MGAT4C: variants seen among roughly 807,000 people sequenced by gnomAD.
MGAT4C encodes alpha-1,3-mannosyl-glycoprotein 4-beta-N-acetylglucosaminyltransferase C.
Under a neutral mutation model 40.1 loss-of-function variants are expected in MGAT4C, and 19 were observed. The ratio of observed to expected loss-of-function variants is 0.47; its 90% confidence interval spans 0.33 to 0.70. The LOEUF is 0.70. Among genes scored for constraint, MGAT4C ranks in the 30% least tolerant of loss-of-function variants. The probability of loss-of-function intolerance (pLI) is 0.02; values close to 1 mark genes in which losing one functional copy is unlikely to be tolerated. For synonymous variants in MGAT4C, 181 were observed against 187.1 expected (o/e 0.97, Z 0.27); for missense variants, 491 against 563.2 (o/e 0.87, Z 1.30).
At chr12:86,191,310 T>C (rs1889430310) in intron 1 of MGAT4C, among the ~76,000 whole-genome samples, 1 of 151,922 alleles carries the variant, frequency 6.6e-6, no homozygotes, top group Non-Finnish European at 1.5e-5. Flanking sequence ...TTTCTAGTAG[T>C]AAAGAGAGCA....
At chr12:86,765,328 AAG>A (rs1951485646) in intron 1 of MGAT4C, among the ~76,000 whole-genome samples, 1 of 152,172 alleles carries the variant, frequency 6.6e-6, no homozygotes, top group Admixed American at 6.5e-5. Context: ...AAAGAATAAA[AAG>A]AAATGAACAA....
At chr12:86,218,053 T>G (rs186613119) in intron 1 of MGAT4C, among the ~76,000 whole-genome samples, 1 of 152,108 alleles carries the variant, frequency 6.6e-6, no homozygotes, top group African/African-American at 2.4e-5. Context: ...ACGAGAACTT[T>G]TTTTTTGGAG....
chr12:86,128,945 GC>G (rs1188315475), intron 1 of MGAT4C, among the ~76,000 whole-genome samples: 2 of 151,898 alleles, frequency 1.3e-5, no homozygotes, highest in Admixed American at 6.6e-5. Context: ...CCCCACTTTG[GC>G]TTTTTGTTTG....
rs554391310 is a variant in MGAT4C, at chr12:86,119,687, C to T, written c.-56-69964G>A. Among the ~76,000 whole-genome samples the T allele has an allele frequency of 6.0e-5, 9 of 149,574 alleles. No individual in the cohort carries two copies. In the South Asian group the frequency reaches 8.5e-4, roughly 14 times the overall value. On this transcript the variant is annotated intron_variant, in intron 1 of 4. Coordinates refer to ENST00000611864, the MANE Select transcript of MGAT4C (RefSeq NM_001351288.2). Reference sequence around the variant, plus strand: ...GCCTCCCAAAGTGCTGGAATTACAGCGGTGAGCCACTATGCCCGGCCCCCT... The same window carrying T: ...GCCTCCCAAAGTGCTGGAATTACAGTGGTGAGCCACTATGCCCGGCCCCCT...
chr12:86,095,255 G>T (rs1873702697), intron 1 of MGAT4C, among the ~76,000 whole-genome samples: 1 of 152,052 alleles, frequency 6.6e-6, no homozygotes, highest in Non-Finnish European at 1.5e-5. Flanking sequence ...TATCTTGAAA[G>T]AATGAGGAAA....
intron 1 of MGAT4C, among the ~76,000 whole-genome samples, chr12:86,823,480 C>T (rs374262898): frequency 4.1e-4 from 62 of 151,112 alleles, no homozygotes; most frequent in African/African-American, 1.2e-3. Flanking sequence ...CAGATAATTA[C>T]GTCTACAGGG....
At chr12:86,497,970 T>C (rs1403196171) in intron 2 of MGAT4C, among the ~76,000 whole-genome samples, 1 of 145,356 alleles carries the variant, frequency 6.9e-6, no homozygotes, top group Non-Finnish European at 1.5e-5. Flanking sequence ...ATTATAAATA[T>C]ATATTATATA....
intron 1 of MGAT4C, among the ~76,000 whole-genome samples, chr12:86,744,124 G>C (rs941964177): frequency 2.0e-5 from 3 of 151,524 alleles, no homozygotes; most frequent in African/African-American, 7.3e-5. Flanking sequence ...TGCTGTAGCT[G>C]CAACTACAAG....
intron 4 of MGAT4C, among the ~76,000 whole-genome samples, chr12:86,278,108 C>T (rs946392619): frequency 2.1e-5 from 3 of 145,806 alleles, no homozygotes; most frequent in African/African-American, 5.0e-5. Flanking sequence ...ATTTTTTTCA[C>T]TTCTTTGGTT....
intron 2 of MGAT4C, among the ~76,000 whole-genome samples, chr12:86,584,465 C>G (rs1007549629): frequency 6.6e-6 from 1 of 151,030 alleles, no homozygotes; most frequent in Non-Finnish European, 1.5e-5. Context: ...GTAATTTGCT[C>G]TTTTAACTTA....
intron 1 of MGAT4C, among the ~76,000 whole-genome samples, chr12:86,160,074 C>A (rs1885423235): frequency 6.6e-6 from 1 of 151,932 alleles, no homozygotes; most frequent in Non-Finnish European, 1.5e-5. Flanking sequence ...TTATTTTCTT[C>A]TGCTAGCTTT....
intron 1 of MGAT4C, among the ~76,000 whole-genome samples, chr12:86,765,074 C>T (rs559704924): frequency 1.3e-5 from 2 of 152,002 alleles, no homozygotes; most frequent in Admixed American, 6.6e-5. Flanking sequence ...CTCTGAGCTA[C>T]AGGAAGAAAT....
At chr12:86,057,345 C>T (rs1893509105) in intron 1 of MGAT4C, among the ~76,000 whole-genome samples, 1 of 152,100 alleles carries the variant, frequency 6.6e-6, no homozygotes, top group Non-Finnish European at 1.5e-5. Context: ...TGAAACTCTG[C>T]TGCCAAAAGG....
chr12:86,570,205 C>T (rs912321124), intron 2 of MGAT4C, among the ~76,000 whole-genome samples: 3 of 151,688 alleles, frequency 2.0e-5, no homozygotes, highest in Admixed American at 1.3e-4. Flanking sequence ...GTTCTCACCA[C>T]AAAAAAGACA....
At chr12:86,581,319 T>C (rs550831776) in intron 2 of MGAT4C, among the ~76,000 whole-genome samples, 27 of 151,592 alleles carry the variant, frequency 1.8e-4, no homozygotes, top group Non-Finnish European at 3.1e-4. Context: ...AGTGGTATTT[T>C]ATTAAAGTCC....
chr12:86,280,733 G>T (rs1953197993), intron 4 of MGAT4C, among the ~76,000 whole-genome samples: 1 of 150,138 alleles, frequency 6.7e-6, no homozygotes, highest in Non-Finnish European at 1.5e-5. Context: ...CTTTATCATT[G>T]CGAGATGATT....
intron 2 of MGAT4C, among the ~76,000 whole-genome samples, chr12:86,028,616 C>T (rs1274418865): frequency 6.6e-6 from 1 of 151,888 alleles, no homozygotes. Flanking sequence ...TTTGAGAACA[C>T]AGACAAAGCC....
At chr12:86,779,058 A>C (rs1472076797) in intron 1 of MGAT4C, among the ~76,000 whole-genome samples, 1 of 151,614 alleles carries the variant, frequency 6.6e-6, no homozygotes, top group Non-Finnish European at 1.5e-5. Flanking sequence ...AAAACAAAGG[A>C]TATATAAATT....
In MGAT4C at chr12:86,012,778, A is replaced by AACC. The variant is rs1183997849; in HGVS notation, c.-6-23229_-6-23227dup. 4.0e-3 allele frequency among the ~76,000 whole-genome samples: 543 copies of AACC among 136,412 alleles called. 4 individuals are homozygous for AACC. The highest frequency in any genetic ancestry group is 6.4e-3 in the East Asian group (26 of 4,052). 89.5% of individuals were successfully genotyped at this position (136,412 alleles called of 152,430 possible). A position where few individuals can be genotyped will look rare whatever the true frequency, so the allele number is the denominator to read the frequency against. On this transcript the variant is annotated intron_variant, in intron 2 of 4. Transcript: ENST00000611864. ...AAACAACAACAACAACAACAACAAC[A>AACC]ACCACCACCACCACCACCACCACCA...
Sources: allele counts gnomAD v4.1 joint callset (sites outside exome capture counted in the v4.1 genomes callset), GRCh38; gene constraint gnomAD v4.1.1; transcripts MANE v1.5; gene names NCBI Gene and HGNC (gene_info 2026-07-23, HGNC 2026-07-21).